Variants in PDE10A observed in about 807,000 individuals in gnomAD.
The protein encoded by PDE10A is phosphodiesterase 10A.
PDE10A carries 39 observed loss-of-function variants against 97.7 expected under a neutral mutation model. That is an observed-to-expected ratio of 0.40 (90% CI 0.31 to 0.52). PDE10A has a LOEUF of 0.52. Among genes scored for constraint, PDE10A ranks in the 20% least tolerant of loss-of-function variants. The pLI, the probability that PDE10A is intolerant of heterozygous loss-of-function variation, is 0.56. For missense variants in PDE10A, 731 were observed against 1,047.8 expected, an observed-to-expected ratio of 0.70 and a Z score of 4.17; for synonymous variants, 371 against 376.8, an observed-to-expected ratio of 0.98 and a Z score of 0.18.
At chr6:165,659,746 G>A (rs572732213) in intron 1 of PDE10A, among the ~76,000 whole-genome samples, 103 of 152,312 alleles carry the variant, frequency 6.8e-4, no homozygotes, top group African/African-American at 2.3e-3. Context: ...GCTTCTCCTA[G>A]CTGGGCCTTT....
At chr6:165,743,235 C>G (rs954529071) in intron 1 of PDE10A, among the ~76,000 whole-genome samples, 2 of 152,168 alleles carry the variant, frequency 1.3e-5, no homozygotes, top group African/African-American at 4.8e-5. Flanking sequence ...CTTTTTAAAA[C>G]CTTTCTATTT....
At chr6:165,493,180 C>A (rs1780325560) in intron 2 of PDE10A, among the ~76,000 whole-genome samples, 1 of 152,050 alleles carries the variant, frequency 6.6e-6, no homozygotes, top group Non-Finnish European at 1.5e-5. Flanking sequence ...TGAAAGAAAT[C>A]ACAGACAATA....
chr6:165,721,361 A>G (rs1792163799), intron 1 of PDE10A, among the ~76,000 whole-genome samples: 1 of 152,190 alleles, frequency 6.6e-6, no homozygotes. Flanking sequence ...AATCCAATTC[A>G]TTACTTCTTA....
At chr6:165,360,889 T>C (rs1407853398) in intron 18 of PDE10A, among the ~76,000 whole-genome samples, 1 of 152,130 alleles carries the variant, frequency 6.6e-6, no homozygotes, top group East Asian at 1.9e-4. Flanking sequence ...GGTACACCAA[T>C]GCTGTCCCCT....
chr6:165,756,764 A>G (rs113419881), intron 1 of PDE10A, among the ~76,000 whole-genome samples: 1 of 152,192 alleles, frequency 6.6e-6, no homozygotes, highest in African/African-American at 2.4e-5. Flanking sequence ...TCAGCAATGT[A>G]TAAAATAGGC....
chr6:165,503,824 A>C (rs1256309748), intron 2 of PDE10A, among the ~76,000 whole-genome samples: 1 of 152,228 alleles, frequency 6.6e-6, no homozygotes, highest in Non-Finnish European at 1.5e-5. Flanking sequence ...GCAAAAAAAA[A>C]TAAGTAACTG....
At chr6:165,494,595 C>A (rs572352230) in intron 2 of PDE10A, among the ~76,000 whole-genome samples, 1 of 150,880 alleles carries the variant, frequency 6.6e-6, no homozygotes, top group South Asian at 2.1e-4. Context: ...TCATTTAATG[C>A]CTATATTAGA....
intron 1 of PDE10A, among the ~76,000 whole-genome samples, chr6:165,839,823 TCC>T (rs1780174143): frequency 7.0e-6 from 1 of 143,816 alleles, no homozygotes; most frequent in Non-Finnish European, 1.5e-5. Context: ...CATCCCCATC[TCC>T]AATCTCGTCT....
rs1000723290 is a variant in PDE10A, at chr6:165,669,114, A to G, written c.-614-125546T>C. On this transcript the variant is annotated intron_variant, in intron 1 of 19. Transcript: ENST00000366882. ...TACCCAGTGTCTGCAAGAGCAGCCA[A>G]TTGGGAGACGTAAGTAGAACTTGGT... is the stretch of plus-strand genomic sequence containing the variant. Among the ~76,000 whole-genome samples, 9 of 152,224 alleles carry G rather than the reference A, an allele frequency of 5.9e-5. 1 individual carries two copies. Among genetic ancestry groups the G allele is most frequent in the African/African-American group, 2.4e-5 (1 of 41,464 alleles).
intron 17 of PDE10A, among the ~76,000 whole-genome samples, chr6:165,386,604 T>C (rs957326718): frequency 6.6e-6 from 1 of 152,152 alleles, no homozygotes; most frequent in Non-Finnish European, 1.5e-5. Flanking sequence ...TTAGCTGTCA[T>C]AAAGTTTTAG....
At chr6:165,367,175 A>G (rs1221510866) in intron 18 of PDE10A, among the ~76,000 whole-genome samples, 2 of 151,970 alleles carry the variant, frequency 1.3e-5, no homozygotes, top group Non-Finnish European at 2.9e-5. Context: ...TAGCAGCTAT[A>G]AAAATGAATG....
At chr6:165,881,191 T>C (rs970329127) in intron 1 of PDE10A, among the ~76,000 whole-genome samples, 8 of 152,186 alleles carry the variant, frequency 5.3e-5, no homozygotes, top group Admixed American at 1.3e-4. Context: ...CACCAGGCAA[T>C]GCTTTGGCTA....
intron 17 of PDE10A, among the ~76,000 whole-genome samples, chr6:165,385,000 T>C (rs1477547278): frequency 6.6e-6 from 1 of 152,094 alleles, no homozygotes; most frequent in South Asian, 2.1e-4. Context: ...AAGAAAGCAA[T>C]GGGAAAAGTC....
At chr6:165,978,709 G>C (rs1257987022) in intron 1 of PDE10A, among the ~76,000 whole-genome samples, 1 of 152,154 alleles carries the variant, frequency 6.6e-6, no homozygotes, top group Non-Finnish European at 1.5e-5. Flanking sequence ...CCTGGATTGA[G>C]AAACCAGCTA....
rs570950539 is a variant in PDE10A at position 165,495,722 on chromosome 6, ACT to A, written c.995-13381_995-13380del. Among the ~76,000 whole-genome samples, 67 of 152,020 alleles carry A rather than the reference ACT, an allele frequency of 4.4e-4. 1 individual carries two copies. In the South Asian group the frequency reaches 0.014, roughly 32 times the overall value. ...CCAGCTGGAATCTACAATATATAAG[ACT>A]CTTTTCACTCAAATAAGGCTGGTTT... On this transcript the variant is annotated intron_variant, in intron 2 of 21. Coordinates refer to ENST00000539869, the MANE Select transcript of PDE10A (RefSeq NM_001385079.1).
In PDE10A at chr6:165,418,554, G is replaced by A. The variant is rs1354363747; in HGVS notation, c.1796+81C>T. The A allele has an allele frequency of 7.6e-7, 1 of 1,319,480 alleles. No individual in the cohort carries two copies. The highest frequency in any genetic ancestry group is 1.1e-6 in the Non-Finnish European group (1 of 934,432). The allele number at this position is 1,319,480 out of a possible 1,614,324, so 81.7% of individuals were successfully genotyped here. A position where few individuals can be genotyped will look rare whatever the true frequency, so the allele number is the denominator to read the frequency against. On this transcript the variant is annotated intron_variant, in intron 11 of 21. Coordinates refer to ENST00000539869, the MANE Select transcript of PDE10A (RefSeq NM_001385079.1). This position sits in a 1 kb window ranked among gnomAD's most constrained non-coding sequence, Gnocchi z 4.8. Reference sequence around the variant, plus strand: ...TATGACAAGTATTGTCAGCATACCTGTGAATAGGCACAGAAAAATGGGTAA... The same window carrying A: ...TATGACAAGTATTGTCAGCATACCTATGAATAGGCACAGAAAAATGGGTAA...
chr6:165,431,405 A>G lies in PDE10A; in HGVS notation c.1542+17T>C, dbSNP rs1358496192. 7 of 1,574,990 alleles carry G rather than the reference A, an allele frequency of 4.4e-6. No individual in the cohort carries two copies. In the African/African-American group the frequency reaches 6.8e-5, roughly 15 times the overall value. On this transcript the variant is annotated intron_variant, in intron 8 of 21. Transcript: ENST00000539869. ...TCTCCCTTAGGAAGCCCCTGCAAAA[A>G]CACCCCAAAGACTCACCTGCACCTG...
intron 1 of PDE10A, among the ~76,000 whole-genome samples, chr6:165,561,881 T>C (rs970396522): frequency 6.6e-6 from 1 of 152,266 alleles, no homozygotes; most frequent in African/African-American, 2.4e-5. Context: ...TTTAGCATTA[T>C]TATTTTTAAT....
In PDE10A at chr6:165,830,467, C is replaced by G. The variant is rs540749211; in HGVS notation, c.-615+157062G>C. Among the ~76,000 whole-genome samples the G allele has an allele frequency of 2.6e-5, 4 of 152,264 alleles. No individual in the cohort carries two copies. The South Asian group carries it at 8.3e-4, about 32-fold the overall frequency. Reference sequence around the variant, plus strand: ...CTCAAATGGCTTCCAGCCTCTGCCTCCATATGAGGATCTCGGTGGGGATCT... The same window carrying G: ...CTCAAATGGCTTCCAGCCTCTGCCTGCATATGAGGATCTCGGTGGGGATCT... On this transcript the variant is annotated intron_variant, in intron 1 of 19. Coordinates refer to the PDE10A transcript ENST00000366882.
Sources: gnomAD v4.1 joint callset for allele counts (sites outside exome capture counted in the v4.1 genomes callset) on GRCh38, gnomAD v4.1.1 for gene constraint, Gnocchi (gnomAD v3.1) non-coding constraint, MANE v1.5 for transcripts, NCBI Gene and HGNC (gene_info 2026-07-23, HGNC 2026-07-21) for gene names.